Variants in ZNF287 observed in about 807,000 individuals in gnomAD.
The protein encoded by ZNF287 is zinc finger protein 287, also known as zinc finger protein with KRAB and SCAN domains 13.
In ZNF287, 31 loss-of-function variants were observed where a neutral mutation model predicts 73.7. That is an observed-to-expected ratio of 0.42 (90% CI 0.32 to 0.57). The LOEUF (loss-of-function observed/expected upper bound fraction) is 0.57, where lower values mean the gene tolerates loss of function less well. Ranked by LOEUF, ZNF287 falls within the 20% of genes least tolerant of loss-of-function variation. ZNF287 has a pLI of 0.13. For synonymous variants in ZNF287, 301 were observed against 307.2 expected, an observed-to-expected ratio of 0.98 and a Z score of 0.21; for missense variants, 641 against 909.3, an observed-to-expected ratio of 0.70 and a Z score of 3.79.
Position 16,551,132 on chromosome 17 carries a change from T to C in ZNF287, c.*724A>G, listed in dbSNP as rs1906625548. 2.6e-5 allele frequency among the ~76,000 whole-genome samples: 4 copies of C among 152,182 alleles called. No homozygotes were observed. The highest frequency in any genetic ancestry group is 6.5e-5 in the Admixed American group (1 of 15,292). On this transcript the variant is annotated 3_prime_UTR_variant, in exon 6 of 6. Coordinates refer to ENST00000395825, the MANE Select transcript of ZNF287 (RefSeq NM_020653.4). ...TTTTTTTTCAAACCTACTGGCTCCA[T>C]ATGGCAGTTATGGCATAACAGGAGA...
chr17:16,553,518 C>T, intron 5 of ZNF287, 92 bp from the exon 6 acceptor site: 4 of 1,015,054 alleles, frequency 3.9e-6, no homozygotes, highest in Non-Finnish European at 5.3e-6. Context: ...GATAAAATGC[C>T]CAAAGACAAC....
chr17:16,555,640 A>ACACC (rs1258986466), intron 5 of ZNF287, among the ~76,000 whole-genome samples: 160 of 147,572 alleles, frequency 1.1e-3, no homozygotes, highest in African/African-American at 3.7e-3. Context: ...ACACACACAC[A>ACACC]CCCCAAACCA....
At chr17:16,566,772 G>A in intron 2 of ZNF287, 150 bp from the exon 3 acceptor site, 4 of 533,754 alleles carry the variant, frequency 7.5e-6, no homozygotes, top group Non-Finnish European at 1.3e-5. Context: ...CAGAGGAAAG[G>A]GCCAATGACT....
At chr17:16,561,926 C>T (rs1330419888) in intron 5 of ZNF287, among the ~76,000 whole-genome samples, 1 of 152,104 alleles carries the variant, frequency 6.6e-6, no homozygotes, top group African/African-American at 2.4e-5. Flanking sequence ...TGTTAATTAT[C>T]TAGAGTGAGA....
Position 16,548,031 on chromosome 17 carries a change from A to G in ZNF287, c.*3825T>C, listed in dbSNP as rs978224104. ...TGTGCCTCTAGTGCATTCCTAGTTGATGAGGGAACATTATACAAGAATGCC... is the reference window on the plus strand; with the variant it reads ...TGTGCCTCTAGTGCATTCCTAGTTGGTGAGGGAACATTATACAAGAATGCC... On this transcript the variant is annotated 3_prime_UTR_variant, in exon 6 of 6. Transcript: ENST00000395825. Among the ~76,000 whole-genome samples, 4 of 152,180 alleles carry G rather than the reference A, an allele frequency of 2.6e-5. No homozygotes were observed. Among genetic ancestry groups the G allele is most frequent in the African/African-American group, 9.7e-5 (4 of 41,444 alleles).
At chr17:16,568,439 T>A (rs1310909028) in intron 1 of ZNF287, among the ~76,000 whole-genome samples, 1 of 152,082 alleles carries the variant, frequency 6.6e-6, no homozygotes, top group African/African-American at 2.4e-5. Context: ...TATCAGAGGG[T>A]TGGGAAGACC....
chr17:16,556,274 C>T (rs759009019), intron 5 of ZNF287, among the ~76,000 whole-genome samples: 22 of 151,938 alleles, frequency 1.4e-4, no homozygotes, highest in Admixed American at 2.6e-4. Flanking sequence ...CTTGAATTTA[C>T]AAATTACTTT....
intron 5 of ZNF287, among the ~76,000 whole-genome samples, chr17:16,562,554 T>C (rs1907510229): frequency 6.6e-6 from 1 of 152,204 alleles, no homozygotes; most frequent in Non-Finnish European, 1.5e-5. Flanking sequence ...ATTGACATGC[T>C]GTTATGACAG....
intron 5 of ZNF287, among the ~76,000 whole-genome samples, chr17:16,553,822 A>T (rs1906863385): frequency 6.6e-6 from 1 of 152,222 alleles, no homozygotes; most frequent in Non-Finnish European, 1.5e-5. Context: ...AATCCCACAT[A>T]ATATTCCTAA....
At position 16,549,102 on chromosome 17, in the gene ZNF287, A is replaced by T. The variant is rs1304644117; in HGVS notation, c.*2754T>A. ...CGGCAGAATGTTAGTTTTTAAATTT[A>T]GGTGGGTATATAGTTAATTTTATGA... On this transcript the variant is annotated 3_prime_UTR_variant, in exon 6 of 6. Coordinates refer to ENST00000395825, the MANE Select transcript of ZNF287 (RefSeq NM_020653.4). 2.6e-5 allele frequency among the ~76,000 whole-genome samples: 4 copies of T among 152,212 alleles called. No homozygotes were observed. The highest frequency in any genetic ancestry group is 4.4e-5 in the Non-Finnish European group (3 of 68,036).
At position 16,550,186 on chromosome 17, in the gene ZNF287, T is replaced by C. The variant is rs1906553209; in HGVS notation, c.*1670A>G. On this transcript the variant is annotated 3_prime_UTR_variant, in exon 6 of 6. Coordinates refer to ENST00000395825, the MANE Select transcript of ZNF287 (RefSeq NM_020653.4). Reference sequence around the variant, plus strand: ...CACAAACCCAGTTATCATTGTTTAATGATTACTGCATCAATGCTTTTTCCA... The same window carrying C: ...CACAAACCCAGTTATCATTGTTTAACGATTACTGCATCAATGCTTTTTCCA... 6.6e-6 allele frequency among the ~76,000 whole-genome samples: 1 copy of C among 152,240 alleles called. No individual in the cohort carries two copies. The highest frequency in any genetic ancestry group is 1.5e-5 in the Non-Finnish European group (1 of 68,028).
At chr17:16,564,955 G>C (rs1037417533) in intron 3 of ZNF287, among the ~76,000 whole-genome samples, 1 of 151,976 alleles carries the variant, frequency 6.6e-6, no homozygotes, top group Non-Finnish European at 1.5e-5. Flanking sequence ...CCTGACCTCA[G>C]GTGATGCAGC....
intron 1 of ZNF287, 107 bp from the exon 2 acceptor site, chr17:16,568,036 G>A (rs1433898359): frequency 9.6e-7 from 1 of 1,039,374 alleles, no homozygotes; most frequent in African/African-American, 1.7e-5. Context: ...ACACACATAA[G>A]CTTTACCTTG....
intron 5 of ZNF287, among the ~76,000 whole-genome samples, chr17:16,561,887 C>T (rs1372884615): frequency 1.3e-5 from 2 of 152,128 alleles, no homozygotes; most frequent in Admixed American, 6.6e-5. Context: ...GAATATTTGA[C>T]TATACATTTG....
At chr17:16,557,667 G>A (rs1045280100) in intron 5 of ZNF287, among the ~76,000 whole-genome samples, 2 of 152,050 alleles carry the variant, frequency 1.3e-5, no homozygotes, top group African/African-American at 4.8e-5. Flanking sequence ...GACTGCCTGA[G>A]ACAGCTCCTC....
intron 5 of ZNF287, among the ~76,000 whole-genome samples, chr17:16,556,197 C>CT: frequency 6.6e-6 from 1 of 151,760 alleles, no homozygotes; most frequent in South Asian, 2.1e-4. Flanking sequence ...CACACAAAAT[C>CT]TAAGGGGAGA....
intron 5 of ZNF287, among the ~76,000 whole-genome samples, chr17:16,560,357 CT>C (rs567152286): frequency 1.8e-4 from 22 of 124,734 alleles, no homozygotes; most frequent in Admixed American, 4.8e-4. Flanking sequence ...GAGAGCTCTT[CT>C]TTTTTTTTTG....
At position 16,567,805 on chromosome 17, in the gene ZNF287, T is replaced by G; in HGVS notation, c.-74A>C. 2 of 1,524,682 alleles carry G rather than the reference T, an allele frequency of 1.3e-6. No homozygotes were observed. The highest frequency in any genetic ancestry group is 1.4e-5 in the African/African-American group (1 of 72,544). The allele number at this position is 1,524,682 out of a possible 1,614,324, so 94.4% of individuals were successfully genotyped here. On this transcript the variant is annotated 5_prime_UTR_variant, in exon 2 of 6. It removes an upstream start codon present in the reference 5' UTR. Coordinates refer to ENST00000395825, the MANE Select transcript of ZNF287 (RefSeq NM_020653.4). ...AGTGAGCCAACTGCTTGAAGTCTCATGCTAGAGTCACAAGGACACTATATC... is the reference window on the plus strand; with the variant it reads ...AGTGAGCCAACTGCTTGAAGTCTCAGGCTAGAGTCACAAGGACACTATATC...
At chr17:16,562,468 A>T (rs776349313) in intron 5 of ZNF287, among the ~76,000 whole-genome samples, 29 of 152,296 alleles carry the variant, frequency 1.9e-4, no homozygotes, top group African/African-American at 6.7e-4. Flanking sequence ...TGGAGACAAC[A>T]GTTGTTCAAA....
Sources: allele counts gnomAD v4.1 joint callset (sites outside exome capture counted in the v4.1 genomes callset), GRCh38; gene constraint gnomAD v4.1.1; transcripts MANE v1.5; gene names NCBI Gene and HGNC (gene_info 2026-07-23, HGNC 2026-07-21).